The following STAU2 variants were observed in gnomAD, a reference collection of about 807,000 sequenced individuals.
STAU2 encodes the protein double-stranded RNA-binding protein Staufen homolog 2.
STAU2 carries 20 observed loss-of-function variants against 65.9 expected under a neutral mutation model. The ratio of observed to expected loss-of-function variants is 0.30; its 90% CI spans 0.21 to 0.44. STAU2 has a LOEUF of 0.44. Among genes scored for constraint, STAU2 ranks in the 20% least tolerant of loss-of-function variants. STAU2 has a pLI of 1.00. For synonymous variants in STAU2, 232 were observed against 233.9 expected (o/e 0.99, Z 0.07); for missense variants, 558 against 683.9 (o/e 0.82, Z 2.05).
intron 1 of STAU2, among the ~76,000 whole-genome samples, chr8:73,743,756 G>A (rs1264496289): frequency 6.8e-6 from 1 of 147,276 alleles, no homozygotes. Context: ...TTACAAGCAT[G>A]AGCCACCATG....
At chr8:73,556,127 T>A (rs1807746843) in intron 12 of STAU2, among the ~76,000 whole-genome samples, 3 of 152,222 alleles carry the variant, frequency 2.0e-5, no homozygotes. Context: ...TATGATCCTG[T>A]CACTGTTTAT....
chr8:73,655,742 G>C (rs1247989737), intron 6 of STAU2, among the ~76,000 whole-genome samples: 1 of 143,058 alleles, frequency 7.0e-6, no homozygotes, highest in Non-Finnish European at 1.5e-5. Flanking sequence ...TCCACCTCCT[G>C]GGTTCACGCC....
chr8:73,618,331 T>C (rs548770023), intron 6 of STAU2, among the ~76,000 whole-genome samples: 5 of 152,248 alleles, frequency 3.3e-5, no homozygotes, highest in South Asian at 4.1e-4. Flanking sequence ...AGAAGTTTCA[T>C]TGAGAAAATA....
chr8:73,503,752 A>G (rs1467284474), intron 13 of STAU2, among the ~76,000 whole-genome samples: 2 of 152,096 alleles, frequency 1.3e-5, no homozygotes, highest in African/African-American at 4.8e-5. Context: ...CATGTACTTC[A>G]GGGGAAGAAA....
chr8:73,585,934 T>C (rs1413750970), intron 11 of STAU2, among the ~76,000 whole-genome samples: 3 of 152,176 alleles, frequency 2.0e-5, no homozygotes, highest in Admixed American at 2.0e-4. Context: ...GGTTTCCCCT[T>C]TTACTCGGTA....
chr8:73,632,355 C>A (rs143648727), intron 6 of STAU2, among the ~76,000 whole-genome samples: 1 of 151,652 alleles, frequency 6.6e-6, no homozygotes, highest in African/African-American at 2.4e-5. Flanking sequence ...ACCAATAAGT[C>A]ATTCAAACCC....
intron 13 of STAU2, among the ~76,000 whole-genome samples, chr8:73,446,536 T>G (rs1818476759): frequency 6.6e-6 from 1 of 152,258 alleles, no homozygotes; most frequent in South Asian, 2.1e-4. Context: ...GTACTATTTC[T>G]ACTACATTCT....
chr8:73,618,190 T>G (rs1401753744), intron 6 of STAU2, among the ~76,000 whole-genome samples: 1 of 152,024 alleles, frequency 6.6e-6, no homozygotes, highest in Non-Finnish European at 1.5e-5. Flanking sequence ...ACAACAACAC[T>G]TAGAGTGGGG....
chr8:73,720,536 C>T lies in STAU2; in HGVS notation c.-17-11374G>A, dbSNP rs1439972985. Reference sequence around the variant, plus strand: ...TTTTTTTTTTTTTGAGACGGAGTCTCGCTCTGTCGCCCAGGCCGGACTGCG... The same window carrying T: ...TTTTTTTTTTTTTGAGACGGAGTCTTGCTCTGTCGCCCAGGCCGGACTGCG... On this transcript the variant is annotated intron_variant, in intron 3 of 14. Transcript: ENST00000524300. Among the ~76,000 whole-genome samples the T allele has an allele frequency of 1.2e-4, 4 of 33,618 alleles. No individual in the cohort carries two copies. The East Asian group carries it at 8.2e-3, about 69-fold the overall frequency. 22.1% of individuals were successfully genotyped at this position (33,618 alleles called of 152,430 possible).
intron 3 of STAU2, among the ~76,000 whole-genome samples, chr8:73,721,008 C>A (rs1821617379): frequency 1.3e-5 from 2 of 149,742 alleles, no homozygotes; most frequent in African/African-American, 2.5e-5. Context: ...GGCCAGGCAC[C>A]ATGGCTCACG....
At chr8:73,595,074 G>T (rs1040180337) in intron 11 of STAU2, 92 bp downstream of exon 11, 5 of 1,137,224 alleles carry the variant, frequency 4.4e-6, no homozygotes, top group South Asian at 4.1e-5. Flanking sequence ...AGTTAAAATT[G>T]ACATTTACTT....
chr8:73,618,428 A>G (rs1455269138), intron 6 of STAU2, among the ~76,000 whole-genome samples: 1 of 152,218 alleles, frequency 6.6e-6, no homozygotes, highest in Non-Finnish European at 1.5e-5. Context: ...GTATACCAGC[A>G]GCAAGGGCAG....
chr8:73,614,091 T>C (rs1054684998), intron 8 of STAU2, 135 bp from the exon 9 acceptor site: 1 of 633,832 alleles, frequency 1.6e-6, no homozygotes, highest in African/African-American at 1.8e-5. Context: ...AAAGCTATTA[T>C]GAAGGTATTA....
chr8:73,555,748 C>G (rs1807705023), intron 12 of STAU2, among the ~76,000 whole-genome samples: 1 of 152,182 alleles, frequency 6.6e-6, no homozygotes, highest in South Asian at 2.1e-4. Context: ...ATGCCATTGC[C>G]ATTTTCTATC....
chr8:73,744,699 T>C (rs1807153955), intron 1 of STAU2, among the ~76,000 whole-genome samples: 1 of 152,318 alleles, frequency 6.6e-6, no homozygotes, highest in East Asian at 1.9e-4. Flanking sequence ...TTTGCATGGT[T>C]TTCCAAGCTC....
Position 73,707,998 on chromosome 8 carries a change from G to A in STAU2, c.114+1034C>T, listed in dbSNP as rs552147641. On this transcript the variant is annotated intron_variant, in intron 4 of 14. Coordinates refer to ENST00000524300, the MANE Select transcript of STAU2 (RefSeq NM_001164380.2). Reference sequence around the variant, plus strand: ...AAGAACATAAAGCGTTCTGAGAAATGCAAACAGTTCAACATGATTAAGGGC... The same window carrying A: ...AAGAACATAAAGCGTTCTGAGAAATACAAACAGTTCAACATGATTAAGGGC... Among the ~76,000 whole-genome samples, 34 of 152,304 alleles carry A rather than the reference G, an allele frequency of 2.2e-4. 1 individual carries two copies. The South Asian group carries it at 6.8e-3, about 31-fold the overall frequency.
In STAU2 at chr8:73,420,481, G is replaced by A. The variant is rs1199123920; in HGVS notation, c.*891C>T. On this transcript the variant is annotated 3_prime_UTR_variant, in exon 15 of 15. Coordinates refer to ENST00000524300, the MANE Select transcript of STAU2 (RefSeq NM_001164380.2). ...ACTCCAACAGGTTTTTCCCTTCCCCGTCATGTACATTATTTATTTTTGATC... is the reference window on the plus strand; with the variant it reads ...ACTCCAACAGGTTTTTCCCTTCCCCATCATGTACATTATTTATTTTTGATC... 5 of 268,016 alleles carry A rather than the reference G, an allele frequency of 1.9e-5. No homozygotes were observed. Among genetic ancestry groups the A allele is most frequent in the Admixed American group, 4.3e-5 (1 of 23,164 alleles). 16.6% of individuals were successfully genotyped at this position (268,016 alleles called of 1,614,324 possible). A position where few individuals can be genotyped will look rare whatever the true frequency, so the allele number is the denominator to read the frequency against.
At chr8:73,739,374 C>CGTATATAT (rs1806673134) in intron 2 of STAU2, among the ~76,000 whole-genome samples, 1 of 151,980 alleles carries the variant, frequency 6.6e-6, no homozygotes, top group African/African-American at 2.4e-5. Flanking sequence ...AGACCTCTCC[C>CGTATATAT]CTAAAAATTA....
intron 13 of STAU2, among the ~76,000 whole-genome samples, chr8:73,484,934 T>C (rs1820831191): frequency 6.6e-6 from 1 of 152,092 alleles, no homozygotes; most frequent in Admixed American, 6.6e-5. Flanking sequence ...CCATACCTTA[T>C]TAATTAGTTG....
Sources: gnomAD v4.1 joint callset for allele counts (sites outside exome capture counted in the v4.1 genomes callset) on GRCh38, gnomAD v4.1.1 for gene constraint, MANE v1.5 for transcripts, NCBI Gene and HGNC (gene_info 2026-07-23, HGNC 2026-07-21) for gene names.